The following PLCB1 variants were observed in gnomAD, a reference collection of about 807,000 sequenced individuals.
The protein encoded by PLCB1 is 1-phosphatidylinositol 4,5-bisphosphate phosphodiesterase beta-1.
A neutral mutation model predicts 161.8 loss-of-function variants in PLCB1; 46 were observed. That is an observed-to-expected ratio of 0.28 (90% CI 0.22 to 0.36). PLCB1 has a LOEUF of 0.36. Among genes scored for constraint, PLCB1 ranks in the 10% least tolerant of loss-of-function variants. The pLI is 1.00. For missense variants in PLCB1, 1,016 were observed against 1,472.5 expected (o/e 0.69, Z 5.07); for synonymous variants, 517 against 503.7 (o/e 1.03, Z -0.35).
intron 27 of PLCB1, among the ~76,000 whole-genome samples, chr20:8,787,280 G>A (rs770009788): frequency 1.3e-5 from 2 of 152,192 alleles, no homozygotes; most frequent in Non-Finnish European, 2.9e-5. Context: ...GAGTGGCCAG[G>A]CTCCTCCCTG....
At chr20:8,543,563 A>T (rs1216322244) in intron 3 of PLCB1, among the ~76,000 whole-genome samples, 4 of 149,192 alleles carry the variant, frequency 2.7e-5, no homozygotes, top group Non-Finnish European at 5.9e-5. Flanking sequence ...AAACTCATCT[A>T]TTGGTGCACT....
At chr20:8,416,929 TACACACACACACACACAC>T (rs56097941) in intron 3 of PLCB1, among the ~76,000 whole-genome samples, 5 of 126,400 alleles carry the variant, frequency 4.0e-5, no homozygotes, top group Admixed American at 1.7e-4. Context: ...AGAGACAGAA[TACACACACACACACACAC>T]ACACACACAC....
intron 9 of PLCB1, among the ~76,000 whole-genome samples, chr20:8,675,094 T>A (rs753528896): frequency 6.6e-6 from 1 of 152,234 alleles, no homozygotes; most frequent in East Asian, 1.9e-4. Context: ...TTCCTGGCGA[T>A]TGAATCAAGT....
chr20:8,487,946 G>T (rs553951118), intron 3 of PLCB1, among the ~76,000 whole-genome samples: 50 of 152,256 alleles, frequency 3.3e-4, no homozygotes, highest in African/African-American at 1.2e-3. Flanking sequence ...GGGTGTAAAC[G>T]TGCAGCTCCC....
intron 3 of PLCB1, among the ~76,000 whole-genome samples, chr20:8,437,554 A>G (rs184072658): frequency 1.3e-5 from 2 of 152,322 alleles, no homozygotes; most frequent in East Asian, 1.9e-4. Flanking sequence ...TGGAATCACT[A>G]TTTCTCAAAT....
intron 11 of PLCB1, among the ~76,000 whole-genome samples, chr20:8,701,215 G>A (rs1990696129): frequency 6.6e-6 from 1 of 152,144 alleles, no homozygotes; most frequent in Non-Finnish European, 1.5e-5. Context: ...CAGGGCACAA[G>A]GCCCTACATA....
At chr20:8,788,305 C>T in intron 27 of PLCB1, 144 bp from the exon 28 acceptor site, 1 of 684,854 alleles carries the variant, frequency 1.5e-6, no homozygotes, top group African/African-American at 1.8e-5. Flanking sequence ...TCCTCATTGC[C>T]AATGTTAGAT....
chr20:8,281,055 A>T (rs1170284648), intron 2 of PLCB1, among the ~76,000 whole-genome samples: 1 of 152,190 alleles, frequency 6.6e-6, no homozygotes, highest in African/African-American at 2.4e-5. Context: ...ATGGCTACAT[A>T]AAAAAATTAA....
At chr20:8,341,239 C>G (rs954663289) in intron 2 of PLCB1, among the ~76,000 whole-genome samples, 2 of 152,158 alleles carry the variant, frequency 1.3e-5, no homozygotes, top group Admixed American at 6.5e-5. Context: ...CTCTCCTGTA[C>G]AGCCAAACTC....
intron 3 of PLCB1, among the ~76,000 whole-genome samples, chr20:8,503,849 T>C (rs555165407): frequency 6.6e-6 from 1 of 152,316 alleles, no homozygotes; most frequent in Non-Finnish European, 1.5e-5. Context: ...TATAAAATTT[T>C]AAGTCTAGAA....
At chr20:8,188,909 G>C (rs1231946719) in intron 2 of PLCB1, among the ~76,000 whole-genome samples, 3 of 152,088 alleles carry the variant, frequency 2.0e-5, no homozygotes, top group Admixed American at 6.6e-5. Flanking sequence ...ATTGTGATTT[G>C]ATAGGTAATT....
At chr20:8,326,428 G>GGC (rs1287981410) in intron 2 of PLCB1, among the ~76,000 whole-genome samples, 1 of 152,194 alleles carries the variant, frequency 6.6e-6, no homozygotes, top group African/African-American at 2.4e-5. Context: ...CCAAAGAATA[G>GGC]GCGATTTTCA....
chr20:8,482,628 T>C (rs1429210464), intron 3 of PLCB1, among the ~76,000 whole-genome samples: 2 of 152,200 alleles, frequency 1.3e-5, no homozygotes, highest in East Asian at 1.9e-4. Flanking sequence ...GTCCCAATTA[T>C]GGGAAAATGT....
chr20:8,637,577 T>C (rs906583035), intron 4 of PLCB1, among the ~76,000 whole-genome samples: 1 of 152,190 alleles, frequency 6.6e-6, no homozygotes, highest in Non-Finnish European at 1.5e-5. Context: ...GGGATAAATG[T>C]ACCAGAAATG....
chr20:8,264,433 T>C (rs1981852409), intron 2 of PLCB1, among the ~76,000 whole-genome samples: 1 of 152,200 alleles, frequency 6.6e-6, no homozygotes, highest in Non-Finnish European at 1.5e-5. Context: ...ATGTATAGTA[T>C]AGTATAGTAA....
intron 31 of PLCB1, among the ~76,000 whole-genome samples, chr20:8,844,085 TGA>T (rs771997753): frequency 6.6e-6 from 1 of 152,230 alleles, no homozygotes; most frequent in Non-Finnish European, 1.5e-5. Flanking sequence ...CTGTTAGCTG[TGA>T]GAAAGTAAAT....
chr20:8,773,134 C>A (rs1211955675), intron 26 of PLCB1, among the ~76,000 whole-genome samples: 1 of 152,156 alleles, frequency 6.6e-6, no homozygotes, highest in Non-Finnish European at 1.5e-5. Context: ...CAGCTTCAAC[C>A]AACTCCCTTC....
chr20:8,780,578 G>A (rs1257061891), intron 27 of PLCB1, among the ~76,000 whole-genome samples: 1 of 151,842 alleles, frequency 6.6e-6, no homozygotes, highest in Non-Finnish European at 1.5e-5. Flanking sequence ...CAATCCTCAT[G>A]TCTGTCCCAC....
intron 26 of PLCB1, among the ~76,000 whole-genome samples, chr20:8,770,682 G>A (rs1431274040): frequency 6.6e-6 from 1 of 152,194 alleles, no homozygotes; most frequent in Non-Finnish European, 1.5e-5. Context: ...GAAGCCGGGA[G>A]GGGGTTTCCA....
Sources: gnomAD v4.1 joint callset for allele counts (sites outside exome capture counted in the v4.1 genomes callset) on GRCh38, gnomAD v4.1.1 for gene constraint, MANE v1.5 for transcripts, NCBI Gene and HGNC (gene_info 2026-07-23, HGNC 2026-07-21) for gene names.